Variants in HS3ST6 observed in about 807,000 individuals in gnomAD.
HS3ST6 encodes the protein heparan sulfate-glucosamine 3-sulfotransferase 6.
HS3ST6 carries 13 observed loss-of-function variants against 11.0 expected under a neutral mutation model. The ratio of observed to expected loss-of-function variants is 1.18; its 90% CI spans 0.77 to 1.88. HS3ST6 has a LOEUF of 1.88. Among genes scored for constraint, HS3ST6 ranks in the 40% most tolerant of loss-of-function variants. The probability of loss-of-function intolerance (pLI) is 0.00; values close to 1 mark genes in which losing one functional copy is unlikely to be tolerated. For missense variants in HS3ST6, 541 were observed against 494.4 expected (o/e 1.09, Z -0.89); for synonymous variants, 232 against 230.6 (o/e 1.01, Z -0.06).
chr16:1,919,428 C>A (rs1010686246), upstream of HS3ST6, among the ~76,000 whole-genome samples: 3 of 152,236 alleles, frequency 2.0e-5, no homozygotes, highest in African/African-American at 7.2e-5. Flanking sequence ...GCGAGCCGGG[C>A]TCAGAGAGGG....
chr16:1,918,645 T>G (rs1011279943), upstream of HS3ST6, among the ~76,000 whole-genome samples: 67 of 151,970 alleles, frequency 4.4e-4, no homozygotes, highest in African/African-American at 1.6e-3. This position sits in a 1 kb window ranked among gnomAD's most constrained non-coding sequence, Gnocchi z 6.0. Flanking sequence ...CTCCGGCATC[T>G]TCACCTCTGC....
At chr16:1,916,221 T>C (rs1219455040) in intron 1 of HS3ST6, among the ~76,000 whole-genome samples, 1 of 59,314 alleles carries the variant, frequency 1.7e-5, no homozygotes, top group Non-Finnish European at 3.6e-5. Context: ...CCAGCTCTAC[T>C]GGCTCTGCAC....
upstream of HS3ST6, among the ~76,000 whole-genome samples, chr16:1,919,795 C>T (rs1304761435): frequency 6.6e-6 from 1 of 152,258 alleles, no homozygotes; most frequent in Non-Finnish European, 1.5e-5. Context: ...TCCCCCAGCC[C>T]CGGCTCCAGA....
chr16:1,919,998 ACCCCACAGTCTCAGCAGT>A (rs2082952444), upstream of HS3ST6, among the ~76,000 whole-genome samples: 2 of 150,030 alleles, frequency 1.3e-5, no homozygotes, highest in South Asian at 4.3e-4. Flanking sequence ...TGCAGCATCC[ACCCCACAGTCTCAGCAGT>A]CCCCACGGTC....
Position 1,912,272 on chromosome 16 carries a change from G to T in HS3ST6, c.414-67C>A. On this transcript the variant is annotated intron_variant, in intron 1 of 1. Transcript: ENST00000454677. This position sits in a 1 kb window ranked among gnomAD's most constrained non-coding sequence, Gnocchi z 5.6. Reference sequence around the variant, plus strand: ...GCCCTAGACCGGCCCCCAGGGGCCCGGGACCAAGGCCCCCTTATGCCCGGG... The same window carrying T: ...GCCCTAGACCGGCCCCCAGGGGCCCTGGACCAAGGCCCCCTTATGCCCGGG... 1 of 1,265,070 alleles carries T rather than the reference G, an allele frequency of 7.9e-7. No individual in the cohort carries two copies. The highest frequency in any genetic ancestry group is 1.0e-6 in the Non-Finnish European group (1 of 997,598). The allele number at this position is 1,265,070 out of a possible 1,614,324, so 78.4% of individuals were successfully genotyped here. A position where few individuals can be genotyped will look rare whatever the true frequency, so the allele number is the denominator to read the frequency against.
At chr16:1,915,223 G>A (rs1234758912) in intron 1 of HS3ST6, among the ~76,000 whole-genome samples, 3 of 152,200 alleles carry the variant, frequency 2.0e-5, no homozygotes, top group Non-Finnish European at 4.4e-5. Flanking sequence ...GAACTAAGGG[G>A]TTCCCCTACC....
At chr16:1,916,494 A>G (rs1389297240) in intron 1 of HS3ST6, among the ~76,000 whole-genome samples, 3 of 151,272 alleles carry the variant, frequency 2.0e-5, no homozygotes, top group Admixed American at 6.6e-5. Flanking sequence ...ATCCTCCCCA[A>G]ACTGATCCCC....
upstream of HS3ST6, among the ~76,000 whole-genome samples, chr16:1,919,531 C>A (rs1420911501): frequency 4.6e-5 from 7 of 152,252 alleles, no homozygotes; most frequent in Non-Finnish European, 8.8e-5. Context: ...AGGGCTGGCG[C>A]CAGGCAGGCA....
upstream of HS3ST6, among the ~76,000 whole-genome samples, chr16:1,919,059 G>A (rs570206628): frequency 9.8e-5 from 15 of 152,316 alleles, no homozygotes; most frequent in South Asian, 3.1e-3. Flanking sequence ...TAGAATGGAG[G>A]GGACAGGCTC....
rs1395425480 is a variant in HS3ST6, at chr16:1,912,816, G to T, written c.414-611C>A. ...CCATCTTTATTTATTTTTTGAGACG[G>T]AGTCTTGCTCTGTCACCCAGGCTGG... On this transcript the variant is annotated intron_variant, in intron 1 of 1. Coordinates refer to ENST00000454677, the MANE Select transcript of HS3ST6 (RefSeq NM_001009606.4). This position sits in a 1 kb window ranked among gnomAD's most constrained non-coding sequence, Gnocchi z 5.6. Among the ~76,000 whole-genome samples the T allele has an allele frequency of 1.3e-5, 2 of 152,144 alleles. No homozygotes were observed. Among genetic ancestry groups the T allele is most frequent in the Admixed American group, 6.5e-5 (1 of 15,276 alleles).
rs768177819 is a variant in HS3ST6 at position 1,912,538 on chromosome 16, G to A, written c.414-333C>T. ...CACATATCTTCCCTGTGCAATCCCT[G>A]CCGTCCTCGCTTCCAGAGCCAGCTC... On this transcript the variant is annotated intron_variant, in intron 1 of 1. Coordinates refer to ENST00000454677, the MANE Select transcript of HS3ST6 (RefSeq NM_001009606.4). The surrounding 1 kb of genome is among the most constrained non-coding windows in gnomAD (Gnocchi z 5.6). 2.6e-4 allele frequency among the ~76,000 whole-genome samples: 39 copies of A among 152,060 alleles called. No homozygotes were observed. The highest frequency in any genetic ancestry group is 7.4e-5 in the Non-Finnish European group (5 of 68,006).
chr16:1,912,003 C>A lies in HS3ST6; in HGVS notation c.616G>T (p.Ala206Ser), dbSNP rs199988789. Residue 206 changes from alanine to serine, a missense_variant, in exon 2 of 2, where the codon GCC (alanine) becomes TCC (serine). Transcript: ENST00000454677. This position sits in a 1 kb window ranked among gnomAD's most constrained non-coding sequence, Gnocchi z 5.6. Reference sequence around the variant, plus strand: ...CCCAGGCCGTGGCGGAAGGCCAGGGCGCGGAAGCTGGGCAGGCCCGGGGTC... The same window carrying A: ...CCCAGGCCGTGGCGGAAGGCCAGGGAGCGGAAGCTGGGCAGGCCCGGGGTC... Reference protein sequence around the residue: ...SKTPGLPSFRALAFRHGLGPV... With the variant: ...SKTPGLPSFRSLAFRHGLGPV... 9.5e-4 allele frequency: 1,459 copies of A among 1,531,610 alleles called. 2 individuals are homozygous for A. Among genetic ancestry groups the A allele is most frequent in the Non-Finnish European group, 1.2e-3 (1,378 of 1,140,326 alleles). The allele number at this position is 1,531,610 out of a possible 1,614,324, so 94.9% of individuals were successfully genotyped here.
chr16:1,916,759 C>G (rs1490734386), intron 1 of HS3ST6, among the ~76,000 whole-genome samples: 1 of 151,260 alleles, frequency 6.6e-6, no homozygotes, highest in African/African-American at 2.4e-5. Context: ...CCCCTCCTCC[C>G]CCGTCTCGCC....
In HS3ST6 at chr16:1,911,632, G is replaced by A. The variant is rs772676873; in HGVS notation, c.987C>T (p.Arg329=). 5.0e-6 allele frequency: 8 copies of A among 1,608,800 alleles called. No individual in the cohort carries two copies. The highest frequency in any genetic ancestry group is 4.5e-5 in the East Asian group (2 of 44,688). ...CCTGGCCCGTCATCTGGTAGAACCTGCGGTTGAAGGGCCGGTAGAACTCCT... is the reference window on the plus strand; with the variant it reads ...CCTGGCCCGTCATCTGGTAGAACCTACGGTTGAAGGGCCGGTAGAACTCCT... ...RLQEFYRPFN[R]RFYQMTGQDF... is the part of the protein sequence containing the mutation. Residue 329 remains arginine, a synonymous_variant, in exon 2 of 2, where the codon CGC becomes CGT. Transcript: ENST00000454677.
At chr16:1,913,662 C>A (rs558819542) in intron 1 of HS3ST6, among the ~76,000 whole-genome samples, 7 of 152,232 alleles carry the variant, frequency 4.6e-5, no homozygotes, top group Admixed American at 3.9e-4. Context: ...GGGCTTCCCC[C>A]ACCCCTGCTG....
chr16:1,913,182 CAT>C (rs960195021), intron 1 of HS3ST6, among the ~76,000 whole-genome samples: 1 of 152,248 alleles, frequency 6.6e-6, no homozygotes, highest in Non-Finnish European at 1.5e-5. Flanking sequence ...GAGCCCAGCA[CAT>C]GTGAGGAAAG....
intron 1 of HS3ST6, among the ~76,000 whole-genome samples, chr16:1,913,140 C>T (rs1180357229): frequency 2.0e-5 from 3 of 152,204 alleles, no homozygotes; most frequent in Non-Finnish European, 4.4e-5. Flanking sequence ...TCAGCCTGGG[C>T]CTGGACTCAG....
chr16:1,918,935 G>A (rs916090527), upstream of HS3ST6, among the ~76,000 whole-genome samples: 5 of 152,186 alleles, frequency 3.3e-5, no homozygotes, highest in Non-Finnish European at 5.9e-5. The surrounding 1 kb of genome is among the most constrained non-coding windows in gnomAD (Gnocchi z 6.0). Context: ...ATCCCAGAAC[G>A]TGTGGGGGGA....
At chr16:1,917,572 A>C (rs1451594724) in intron 1 of HS3ST6, among the ~76,000 whole-genome samples, 1 of 152,028 alleles carries the variant, frequency 6.6e-6, no homozygotes, top group Non-Finnish European at 1.5e-5. Context: ...CGGCAGAGGC[A>C]TTTCTGACGC....
Sources: gnomAD v4.1 joint callset for allele counts (sites outside exome capture counted in the v4.1 genomes callset) on GRCh38, gnomAD v4.1.1 for gene constraint, Gnocchi (gnomAD v3.1) non-coding constraint, MANE v1.5 for transcripts, NCBI Gene and HGNC (gene_info 2026-07-23, HGNC 2026-07-21) for gene names.